Variants in MGAT5B observed in about 807,000 individuals in gnomAD.
MGAT5B encodes the protein alpha-1,6-mannosylglycoprotein 6-beta-N-acetylglucosaminyltransferase B.
Under a neutral mutation model 95.1 loss-of-function variants are expected in MGAT5B, and 54 were observed. That is an observed-to-expected ratio of 0.57 (90% confidence interval 0.46 to 0.71). The LOEUF (loss-of-function observed/expected upper bound fraction) is 0.71. MGAT5B is among the 30% of genes least tolerant of loss of function. MGAT5B has a pLI of 0.00. For missense variants in MGAT5B, 935 were observed against 1,088.6 expected (o/e 0.86, Z 1.99); for synonymous variants, 464 against 451.0 (o/e 1.03, Z -0.36).
chr17:76,926,784 G>C, intron 10 of MGAT5B, 54 bp downstream of exon 10: 4 of 1,589,442 alleles, frequency 2.5e-6, no homozygotes, highest in Non-Finnish European at 3.4e-6. Flanking sequence ...ATGGTTCTCA[G>C]AGGTGACACG....
intron 3 of MGAT5B, among the ~76,000 whole-genome samples, chr17:76,897,660 A>ACTTTCTTT (rs772516557): frequency 0.046 from 3,108 of 68,256 alleles, 138 homozygotes; most frequent in Middle Eastern, 0.09. Context: ...AAGTAAGGCC[A>ACTTTCTTT]CTTTCTTTCT....
chr17:76,948,123 C>T, intron 17 of MGAT5B, 37 bp downstream of exon 17: 1 of 1,467,652 alleles, frequency 6.8e-7, no homozygotes, highest in Non-Finnish European at 9.3e-7. Context: ...CAGCCGCTAT[C>T]ATCGCTGGCC....
At chr17:76,937,429 G>C (rs1969711948) in intron 12 of MGAT5B, among the ~76,000 whole-genome samples, 1 of 151,946 alleles carries the variant, frequency 6.6e-6, no homozygotes, top group Non-Finnish European at 1.5e-5. Flanking sequence ...TGAGTGGATG[G>C]GTGGATGTTT....
chr17:76,933,697 C>G (rs1240532920), intron 12 of MGAT5B, among the ~76,000 whole-genome samples: 1 of 152,224 alleles, frequency 6.6e-6, no homozygotes, highest in Non-Finnish European at 1.5e-5. Flanking sequence ...GATTTAATCA[C>G]TCTCCCAGCT....
chr17:76,916,267 G>A lies in MGAT5B; in HGVS notation c.1026-8699G>A, dbSNP rs768178723. On this transcript the variant is annotated intron_variant, in intron 8 of 17. Coordinates refer to ENST00000569840, the MANE Select transcript of MGAT5B (RefSeq NM_001199172.2). The surrounding 1 kb of genome is among the most constrained non-coding windows in gnomAD (Gnocchi z 5.3). The stretch of plus-strand genomic sequence containing the variant: ...CCTCGCCTCCCCTCATGCTCCACGC[G>A]CTGCGCTGGCGTCACAGGGAGTCTG... 1.2e-4 allele frequency among the ~76,000 whole-genome samples: 18 copies of A among 152,144 alleles called. No individual in the cohort carries two copies. Among genetic ancestry groups the A allele is most frequent in the Middle Eastern group, 6.8e-3 (2 of 294 alleles).
rs1471850999 is a variant in MGAT5B at position 76,918,223 on chromosome 17, C to T, written c.1026-6743C>T. On this transcript the variant is annotated intron_variant, in intron 8 of 17. Transcript: ENST00000569840. The surrounding 1 kb of genome is among the most constrained non-coding windows in gnomAD (Gnocchi z 5.1). The stretch of plus-strand genomic sequence containing the variant: ...CACGCCTTGTACCGCACCCCCACCC[C>T]CGCACCCATGCTTTGTGGTAGCTTC... 6.6e-6 allele frequency among the ~76,000 whole-genome samples: 1 copy of T among 152,194 alleles called. No homozygotes were observed. The highest frequency in any genetic ancestry group is 1.9e-4 in the East Asian group (1 of 5,188).
chr17:76,892,082 T>C (rs1367857892), intron 3 of MGAT5B, among the ~76,000 whole-genome samples: 1 of 152,204 alleles, frequency 6.6e-6, no homozygotes, highest in Non-Finnish European at 1.5e-5. Context: ...GGTCTCACTC[T>C]GTTGCCCAAC....
chr17:76,909,037 C>T (rs915041010), intron 8 of MGAT5B, among the ~76,000 whole-genome samples: 1 of 152,068 alleles, frequency 6.6e-6, no homozygotes, highest in Admixed American at 6.6e-5. Flanking sequence ...GAACTCCTGA[C>T]CTCAGGTGAT....
At chr17:76,872,754 A>C in intron 1 of MGAT5B, 97 bp from the exon 2 acceptor site, 2 of 1,604,398 alleles carry the variant, frequency 1.2e-6, no homozygotes, top group South Asian at 1.1e-5. Flanking sequence ...TCACTCATGC[A>C]CTCATTCGTA....
At chr17:76,920,860 C>A (rs558200840) in intron 8 of MGAT5B, among the ~76,000 whole-genome samples, 2 of 152,298 alleles carry the variant, frequency 1.3e-5, no homozygotes, top group South Asian at 4.1e-4. Context: ...CTTTTCTTGG[C>A]CAACTATTAA....
At chr17:76,939,029 G>GGGGTGTGTGT (rs1237086611) in intron 13 of MGAT5B, among the ~76,000 whole-genome samples, 122 of 128,256 alleles carry the variant, frequency 9.5e-4, no homozygotes, top group Admixed American at 3.1e-3. Flanking sequence ...GCATCTTGGG[G>GGGGTGTGTGT]GTGTGTGTGT....
Position 76,881,713 on chromosome 17 carries a change from G to C in MGAT5B, c.182-438G>C, listed in dbSNP as rs1353127677. 2.6e-5 allele frequency among the ~76,000 whole-genome samples: 4 copies of C among 152,230 alleles called. No homozygotes were observed. The South Asian group carries it at 6.2e-4, about 24-fold the overall frequency. On this transcript the variant is annotated intron_variant, in intron 2 of 17. Transcript: ENST00000569840. Reference sequence around the variant, plus strand: ...GATTGGCCACACTTCTAGGAACCCTGATCTAGAAGTCCTGCCTGGAGCTTA... The same window carrying C: ...GATTGGCCACACTTCTAGGAACCCTCATCTAGAAGTCCTGCCTGGAGCTTA...
intron 3 of MGAT5B, among the ~76,000 whole-genome samples, chr17:76,893,780 AGCCCTGAAAG>A (rs901102758): frequency 6.6e-6 from 1 of 152,160 alleles, no homozygotes; most frequent in Non-Finnish European, 1.5e-5. Context: ...CAGTGGAAAT[AGCCCTGAAAG>A]TCCCATCCCC....
chr17:76,888,987 G>A (rs886497886), intron 3 of MGAT5B, among the ~76,000 whole-genome samples: 6 of 152,234 alleles, frequency 3.9e-5, no homozygotes, highest in African/African-American at 1.4e-4. Context: ...CTGCACGAGG[G>A]TCGGCCTTGG....
At chr17:76,904,718 T>C (rs1968456596) in intron 6 of MGAT5B, among the ~76,000 whole-genome samples, 1 of 152,250 alleles carries the variant, frequency 6.6e-6, no homozygotes, top group African/African-American at 2.4e-5. Flanking sequence ...GGGTTTTCTG[T>C]GTCCAGATGC....
Position 76,932,742 on chromosome 17 carries a change from C to T in MGAT5B, c.1389C>T (p.Ala463=), listed in dbSNP as rs1443312498. The change falls in exon 11 of 18, where the codon GCC becomes GCT. Residue 463 remains alanine (A), a synonymous_variant. Coordinates refer to ENST00000569840, the MANE Select transcript of MGAT5B (RefSeq NM_001199172.2). ...AAGGCGGCAAGGCCAGCAACATGGCCGTGGTGTACGGCAAGGAGGCGAGCA... is the reference window on the plus strand; with the variant it reads ...AAGGCGGCAAGGCCAGCAACATGGCTGTGGTGTACGGCAAGGAGGCGAGCA... ...LIKGGKASNM[A]VVYGKEASIW... The T allele has an allele frequency of 4.3e-6, 7 of 1,613,714 alleles. No individual in the cohort carries two copies. The highest frequency in any genetic ancestry group is 2.7e-5 in the African/African-American group (2 of 74,922).
rs537535912 is a variant in MGAT5B, at chr17:76,918,990, G to A, written c.1026-5976G>A. 2.0e-5 allele frequency among the ~76,000 whole-genome samples: 3 copies of A among 152,328 alleles called. No homozygotes were observed. Among genetic ancestry groups the A allele is most frequent in the South Asian group, 2.1e-4 (1 of 4,818 alleles). ...AAGGCACAGAGAGAAATAAAACCAGGGAATTTTTAGCTTAGAAGAGACCGT... is the reference window on the plus strand; with the variant it reads ...AAGGCACAGAGAGAAATAAAACCAGAGAATTTTTAGCTTAGAAGAGACCGT... On this transcript the variant is annotated intron_variant, in intron 8 of 17. Transcript: ENST00000569840. The surrounding 1 kb of genome is among the most constrained non-coding windows in gnomAD (Gnocchi z 5.1).
In MGAT5B at chr17:76,918,880, C is replaced by T. The variant is rs978294074; in HGVS notation, c.1026-6086C>T. Among the ~76,000 whole-genome samples, 7 of 147,562 alleles carry T rather than the reference C, an allele frequency of 4.7e-5. No individual in the cohort carries two copies. Among genetic ancestry groups the T allele is most frequent in the African/African-American group, 1.8e-4 (7 of 38,508 alleles). ...TGCAAGGATTCTTTTTAATTAGGTC[C>T]CTCCCACACAAGAGAAAGAGAGAGA... On this transcript the variant is annotated intron_variant, in intron 8 of 17. Transcript: ENST00000569840. The surrounding 1 kb of genome is among the most constrained non-coding windows in gnomAD (Gnocchi z 5.1).
At chr17:76,946,203 G>A in intron 15 of MGAT5B, 173 bp from the exon 16 acceptor site, 1 of 551,046 alleles carries the variant, frequency 1.8e-6, no homozygotes, top group Middle Eastern at 4.7e-4. Flanking sequence ...GGGTGTGCGG[G>A]GAACGGGGAC....
Sources: allele counts gnomAD v4.1 joint callset (sites outside exome capture counted in the v4.1 genomes callset), GRCh38; gene constraint gnomAD v4.1.1; non-coding constraint Gnocchi (gnomAD v3.1); transcripts MANE v1.5; gene names NCBI Gene and HGNC (gene_info 2026-07-23, HGNC 2026-07-21).